Variants in L3MBTL4 observed in about 807,000 individuals in gnomAD.
L3MBTL4 encodes L3MBTL histone methyl-lysine binding protein 4.
In L3MBTL4, 70 loss-of-function variants were observed where a neutral mutation model predicts 84.5. That is an observed-to-expected ratio of 0.83 (90% CI 0.68 to 1.01). The LOEUF is 1.01. L3MBTL4 is among the 50% of genes least tolerant of loss of function. The pLI, the probability that L3MBTL4 is intolerant of heterozygous loss-of-function variation, is 0.00. For synonymous variants in L3MBTL4, 274 were observed against 259.8 expected, an observed-to-expected ratio of 1.05 and a Z score of -0.52; for missense variants, 715 against 754.8, an observed-to-expected ratio of 0.95 and a Z score of 0.62.
chr18:6,205,469 T>A (rs143601417), intron 12 of L3MBTL4, among the ~76,000 whole-genome samples: 122 of 152,382 alleles, frequency 8.0e-4, no homozygotes, highest in African/African-American at 2.7e-3. Context: ...TGAATGTTTG[T>A]TGCATAGGTA....
intron 12 of L3MBTL4, among the ~76,000 whole-genome samples, chr18:6,174,762 G>A (rs1003523468): frequency 1.3e-5 from 2 of 151,812 alleles, no homozygotes; most frequent in Admixed American, 1.3e-4. Flanking sequence ...CAGCTACTTG[G>A]GAGGCTGAAG....
At chr18:6,310,792 A>G (rs1011919034) in intron 3 of L3MBTL4, among the ~76,000 whole-genome samples, 1 of 152,190 alleles carries the variant, frequency 6.6e-6, no homozygotes, top group African/African-American at 2.4e-5. Context: ...AGGCATGGTG[A>G]CTACAGGCAT....
At chr18:6,162,268 C>CT (rs1943610535) in intron 13 of L3MBTL4, among the ~76,000 whole-genome samples, 1 of 152,028 alleles carries the variant, frequency 6.6e-6, no homozygotes, top group African/African-American at 2.4e-5. Context: ...TCCATGATCT[C>CT]TAAGATCATT....
intron 12 of L3MBTL4, among the ~76,000 whole-genome samples, chr18:6,203,604 G>A (rs780265638): frequency 2.6e-5 from 4 of 152,164 alleles, no homozygotes; most frequent in Non-Finnish European, 5.9e-5. Flanking sequence ...CTTGGTTAAC[G>A]TGGAGAAAGG....
intron 14 of L3MBTL4, among the ~76,000 whole-genome samples, chr18:6,129,748 T>C (rs1017785143): frequency 6.6e-6 from 1 of 152,186 alleles, no homozygotes; most frequent in African/African-American, 2.4e-5. Flanking sequence ...TTTCATTGCA[T>C]TTTGATCAAA....
intron 17 of L3MBTL4, among the ~76,000 whole-genome samples, chr18:5,967,653 G>T (rs74620659): frequency 0.018 from 2,707 of 152,296 alleles, 76 homozygotes; most frequent in African/African-American, 0.061. Flanking sequence ...TGAGTGCGAG[G>T]TCAGGCCAGA....
chr18:5,972,027 T>C (rs1016584880), intron 16 of L3MBTL4, among the ~76,000 whole-genome samples: 29 of 152,054 alleles, frequency 1.9e-4, no homozygotes, highest in African/African-American at 6.3e-4. Flanking sequence ...AATTTGGGAG[T>C]GCAGGAAAGC....
chr18:6,276,938 T>C (rs2049105098), intron 4 of L3MBTL4, among the ~76,000 whole-genome samples: 1 of 152,052 alleles, frequency 6.6e-6, no homozygotes, highest in Non-Finnish European at 1.5e-5. Flanking sequence ...ATACATCCAA[T>C]GAAAACATCC....
chr18:6,099,274 C>A (rs1036932956), intron 14 of L3MBTL4, among the ~76,000 whole-genome samples: 1 of 148,544 alleles, frequency 6.7e-6, no homozygotes, highest in Non-Finnish European at 1.5e-5. Context: ...AAGTGAATAT[C>A]TTTTATTCTT....
intron 1 of L3MBTL4, among the ~76,000 whole-genome samples, chr18:6,386,365 G>A (rs1005001389): frequency 2.0e-5 from 3 of 152,166 alleles, no homozygotes; most frequent in African/African-American, 7.2e-5. Flanking sequence ...TCTGACAAGG[G>A]TCACATATCA....
chr18:6,358,009 G>A (rs996424577), intron 1 of L3MBTL4, among the ~76,000 whole-genome samples: 1 of 152,180 alleles, frequency 6.6e-6, no homozygotes, highest in Non-Finnish European at 1.5e-5. Context: ...ACAAAGCGGA[G>A]CACACATCAC....
intron 14 of L3MBTL4, among the ~76,000 whole-genome samples, chr18:6,108,042 C>T (rs144740064): frequency 6.6e-4 from 100 of 152,254 alleles, no homozygotes; most frequent in African/African-American, 2.3e-3. Flanking sequence ...CCCCCATCTA[C>T]GTCACTTGCA....
At chr18:5,958,028 AGAGGAG>A (rs36010647) in intron 18 of L3MBTL4, among the ~76,000 whole-genome samples, 9 of 126,766 alleles carry the variant, frequency 7.1e-5, no homozygotes, top group South Asian at 2.7e-4. Flanking sequence ...AGAAGGAGAA[AGAGGAG>A]GAGGAGGAGG....
intron 16 of L3MBTL4, among the ~76,000 whole-genome samples, chr18:6,074,621 C>G (rs1568072537): frequency 6.6e-6 from 1 of 152,122 alleles, no homozygotes; most frequent in African/African-American, 2.4e-5. Context: ...GTAAATGAAG[C>G]CTGACTATGT....
chr18:6,360,684 T>C (rs758789753), intron 1 of L3MBTL4, among the ~76,000 whole-genome samples: 4 of 152,066 alleles, frequency 2.6e-5, no homozygotes, highest in Non-Finnish European at 4.4e-5. Flanking sequence ...TTTGATGCTC[T>C]CAAGAATGAT....
At chr18:6,313,222 A>T (rs577771715) in intron 1 of L3MBTL4, among the ~76,000 whole-genome samples, 2 of 152,280 alleles carry the variant, frequency 1.3e-5, no homozygotes, top group South Asian at 4.1e-4. Flanking sequence ...AAGTCTCTCA[A>T]TATGTGTTTA....
intron 16 of L3MBTL4, among the ~76,000 whole-genome samples, chr18:6,007,879 A>C (rs577710368): frequency 1.3e-5 from 2 of 152,320 alleles, no homozygotes; most frequent in South Asian, 4.1e-4. Flanking sequence ...TACATACAGC[A>C]TGCTACTTAT....
At chr18:6,346,220 T>C in intron 1 of L3MBTL4, among the ~76,000 whole-genome samples, 1 of 150,740 alleles carries the variant, frequency 6.6e-6, no homozygotes, top group East Asian at 1.9e-4. Context: ...ATATAAGACC[T>C]GAAACTGTAA....
At chr18:6,188,130 A>G (rs2044872250) in intron 12 of L3MBTL4, among the ~76,000 whole-genome samples, 1 of 152,036 alleles carries the variant, frequency 6.6e-6, no homozygotes, top group Admixed American at 6.5e-5. Flanking sequence ...CTACCTTGGA[A>G]TCCTGGGGTC....
Sources: gnomAD v4.1 joint callset for allele counts (sites outside exome capture counted in the v4.1 genomes callset) on GRCh38, gnomAD v4.1.1 for gene constraint, MANE v1.5 for transcripts, NCBI Gene and HGNC (gene_info 2026-07-23, HGNC 2026-07-21) for gene names.